PXDNL: variants seen among roughly 807,000 people sequenced by gnomAD.
The protein encoded by PXDNL is probable oxidoreductase PXDNL.
In PXDNL, 145 loss-of-function variants were observed where a neutral mutation model predicts 150.8. That is an observed-to-expected ratio of 0.96 (90% CI 0.84 to 1.10). The LOEUF (loss-of-function observed/expected upper bound fraction) is 1.10. Among genes scored for constraint, PXDNL ranks in the 50% least tolerant of loss-of-function variants. PXDNL has a pLI of 0.00. For synonymous variants in PXDNL, 757 were observed against 725.7 expected (o/e 1.04, Z -0.69); for missense variants, 2,087 against 1,873.9 (o/e 1.11, Z -2.10).
intron 15 of PXDNL, 55 bp from the exon 16 acceptor site, chr8:51,411,462 A>C (rs1275852395): frequency 1.4e-6 from 2 of 1,476,476 alleles, no homozygotes; most frequent in East Asian, 2.6e-5. Flanking sequence ...GAGTCCATGA[A>C]GCTTGCAAAT....
intron 5 of PXDNL, among the ~76,000 whole-genome samples, chr8:51,492,969 T>C (rs7824724): frequency 0.32 from 48,706 of 152,014 alleles, 8,691 homozygotes; most frequent in African/African-American, 0.47. Flanking sequence ...GACCTGAGAA[T>C]GGACAAACTG....
intron 21 of PXDNL, among the ~76,000 whole-genome samples, chr8:51,321,723 G>C (rs1379262087): frequency 6.6e-6 from 1 of 152,092 alleles, no homozygotes; most frequent in Non-Finnish European, 1.5e-5. Flanking sequence ...CATGCTTCCT[G>C]TTAACCCTAT....
At chr8:51,791,861 G>A (rs2037516372) in intron 1 of PXDNL, among the ~76,000 whole-genome samples, 1 of 152,142 alleles carries the variant, frequency 6.6e-6, no homozygotes, top group African/African-American at 2.4e-5. Flanking sequence ...TCTATTCTCA[G>A]TACAAGGACC....
At chr8:51,399,749 T>G (rs897522299) in intron 17 of PXDNL, among the ~76,000 whole-genome samples, 1 of 152,234 alleles carries the variant, frequency 6.6e-6, no homozygotes, top group Admixed American at 6.5e-5. Context: ...TGATGTTAAC[T>G]GAAAATTTAG....
intron 4 of PXDNL, among the ~76,000 whole-genome samples, chr8:51,505,866 A>G (rs1411002382): frequency 6.6e-6 from 1 of 152,246 alleles, no homozygotes; most frequent in African/African-American, 2.4e-5. Flanking sequence ...CTTTCTGTAT[A>G]ATAATCTCAG....
chr8:51,437,544 C>A (rs966609756), intron 12 of PXDNL, among the ~76,000 whole-genome samples: 1 of 152,128 alleles, frequency 6.6e-6, no homozygotes, highest in African/African-American at 2.4e-5. Context: ...ATATGCAAAT[C>A]AATAAGTGTG....
intron 2 of PXDNL, among the ~76,000 whole-genome samples, chr8:51,629,663 AG>A (rs1221957655): frequency 6.6e-6 from 1 of 152,150 alleles, no homozygotes; most frequent in Non-Finnish European, 1.5e-5. Flanking sequence ...GCATGTTTAA[AG>A]CACTAAGAGA....
At chr8:51,759,207 C>G (rs2037135757) in intron 1 of PXDNL, among the ~76,000 whole-genome samples, 1 of 152,170 alleles carries the variant, frequency 6.6e-6, no homozygotes, top group Non-Finnish European at 1.5e-5. Flanking sequence ...AGCCACTAAG[C>G]TCTAGCCAAC....
At chr8:51,423,496 G>A (rs1809009480) in intron 14 of PXDNL, 79 bp downstream of exon 14, 3 of 1,174,534 alleles carry the variant, frequency 2.6e-6, no homozygotes, top group Admixed American at 4.8e-5. Flanking sequence ...TGATTAGTGA[G>A]ATCAGTCAAA....
At chr8:51,485,142 T>C (rs530046981) in intron 5 of PXDNL, among the ~76,000 whole-genome samples, 2 of 152,328 alleles carry the variant, frequency 1.3e-5, no homozygotes, top group East Asian at 3.9e-4. Context: ...TTTGGCTTTA[T>C]TTTAACTGTA....
At chr8:51,674,830 A>G (rs1302765026) in intron 1 of PXDNL, among the ~76,000 whole-genome samples, 4 of 152,206 alleles carry the variant, frequency 2.6e-5, no homozygotes, top group Admixed American at 1.3e-4. Flanking sequence ...AACTTGCCCA[A>G]GCATAAACCA....
At chr8:51,552,124 C>T (rs1029728310) in intron 4 of PXDNL, among the ~76,000 whole-genome samples, 6 of 151,958 alleles carry the variant, frequency 3.9e-5, no homozygotes, top group South Asian at 4.2e-4. Flanking sequence ...AACCACAATG[C>T]GATACTACCT....
chr8:51,555,051 C>T (rs2130536988), intron 4 of PXDNL, among the ~76,000 whole-genome samples: 2 of 152,276 alleles, frequency 1.3e-5, no homozygotes, highest in African/African-American at 4.8e-5. Context: ...CTTTCTGAGT[C>T]ATTTTATGCT....
chr8:51,508,721 G>A (rs181797797), intron 4 of PXDNL, among the ~76,000 whole-genome samples: 72 of 152,190 alleles, frequency 4.7e-4, no homozygotes, highest in African/African-American at 1.5e-3. Context: ...CCTCACCGCC[G>A]CCTTACATTG....
chr8:51,440,742 C>T (rs1195571099), intron 12 of PXDNL, among the ~76,000 whole-genome samples: 1 of 152,168 alleles, frequency 6.6e-6, no homozygotes, highest in African/African-American at 2.4e-5. Context: ...ATACCTGAGA[C>T]CAGGAAGGGC....
chr8:51,328,316 T>G (rs1449140438), intron 21 of PXDNL, among the ~76,000 whole-genome samples: 1 of 152,254 alleles, frequency 6.6e-6, no homozygotes, highest in Non-Finnish European at 1.5e-5. Flanking sequence ...TGGAGAACTC[T>G]GACTAATGCA....
In PXDNL at chr8:51,413,186, C is replaced by T. The variant is rs1335682003; in HGVS notation, c.1868G>A (p.Ser623Asn). The T allele has an allele frequency of 6.2e-7, 1 of 1,610,776 alleles. No homozygotes were observed. The highest frequency in any genetic ancestry group is 1.7e-5 in the Admixed American group (1 of 60,018). Residue 623 changes from serine (S) to asparagine (N), a missense_variant, in exon 15 of 23, where the codon AGT (serine) becomes AAT (asparagine). Transcript: ENST00000356297. ...ATGTCTTCGTGTGGAGTTAATTGCA[C>T]TGTCAACTCTCTGTACAGCATCAAG... Reference protein sequence around the residue: ...SILDAVQRVDSAINSTRRHLF... With the variant: ...SILDAVQRVDNAINSTRRHLF...
At chr8:51,648,399 C>T (rs1362674928) in intron 2 of PXDNL, among the ~76,000 whole-genome samples, 3 of 152,144 alleles carry the variant, frequency 2.0e-5, no homozygotes, top group African/African-American at 7.2e-5. Flanking sequence ...GAAAGCAATT[C>T]TTAGTGAGAG....
intron 1 of PXDNL, among the ~76,000 whole-genome samples, chr8:51,807,304 A>AAG (rs1269537062): frequency 6.6e-6 from 1 of 152,128 alleles, no homozygotes; most frequent in Non-Finnish European, 1.5e-5. Context: ...GAGCAAGAGG[A>AAG]AGAGAGACGC....
Sources: gnomAD v4.1 joint callset for allele counts (sites outside exome capture counted in the v4.1 genomes callset) on GRCh38, gnomAD v4.1.1 for gene constraint, MANE v1.5 for transcripts, NCBI Gene and HGNC (gene_info 2026-07-23, HGNC 2026-07-21) for gene names.